The following GPC6 variants were observed in gnomAD, a reference collection of about 807,000 sequenced individuals.
The protein encoded by GPC6 is glypican 6.
GPC6 carries 14 observed loss-of-function variants against 55.2 expected under a neutral mutation model. That is an observed-to-expected ratio of 0.25 (90% confidence interval 0.17 to 0.40). The LOEUF (loss-of-function observed/expected upper bound fraction) is 0.40. GPC6 is among the 10% of genes least tolerant of loss of function. GPC6 has a pLI of 1.00. For missense variants in GPC6, 641 were observed against 708.5 expected (o/e 0.90, Z 1.08); for synonymous variants, 278 against 259.6 (o/e 1.07, Z -0.68).
At chr13:93,269,888 T>C (rs1432067919) in intron 1 of GPC6, among the ~76,000 whole-genome samples, 19 of 107,010 alleles carry the variant, frequency 1.8e-4, no homozygotes, top group Admixed American at 3.8e-4. Flanking sequence ...CAAGACTCCA[T>C]CTCAAAAAAA....
intron 1 of GPC6, among the ~76,000 whole-genome samples, chr13:93,429,791 A>G (rs1004718269): frequency 6.6e-6 from 1 of 152,078 alleles, no homozygotes; most frequent in Non-Finnish European, 1.5e-5. Context: ...ACTGAGGGAC[A>G]GTCTGTCCTT....
chr13:94,157,219 T>C (rs1887982889), intron 4 of GPC6, among the ~76,000 whole-genome samples: 1 of 152,188 alleles, frequency 6.6e-6, no homozygotes, highest in Non-Finnish European at 1.5e-5. Context: ...ATGTGTCCCT[T>C]CTTCATAAAG....
chr13:93,966,650 C>CTT (rs771603219), intron 3 of GPC6, among the ~76,000 whole-genome samples: 4 of 79,760 alleles, frequency 5.0e-5, no homozygotes, highest in Admixed American at 1.3e-4. Context: ...TTGTTTCCTT[C>CTT]ATTTTTTTTT....
chr13:93,619,083 C>T (rs1878845166), intron 2 of GPC6, among the ~76,000 whole-genome samples: 1 of 152,072 alleles, frequency 6.6e-6, no homozygotes, highest in African/African-American at 2.4e-5. Context: ...ATGGGAACAC[C>T]ATCATATATA....
intron 2 of GPC6, among the ~76,000 whole-genome samples, chr13:93,590,099 G>C (rs766657482): frequency 6.6e-6 from 1 of 152,122 alleles, no homozygotes; most frequent in Non-Finnish European, 1.5e-5. Flanking sequence ...TTGTGTTGTA[G>C]TTTTTTGGAT....
At chr13:93,321,845 TA>T (rs1210697763) in intron 1 of GPC6, among the ~76,000 whole-genome samples, 1 of 152,144 alleles carries the variant, frequency 6.6e-6, no homozygotes, top group Non-Finnish European at 1.5e-5. Flanking sequence ...TTTCAACATC[TA>T]GTGTGAGACC....
In GPC6 at chr13:93,895,234, G is replaced by GTGTGTGTGTGTGTGTGTGTGTGTA. The variant is rs1196315147; in HGVS notation, c.711+64690_711+64691insGTGTGTGTGTGTGTGTGTGTGTAT. Among the ~76,000 whole-genome samples, 13 of 108,218 alleles carry GTGTGTGTGTGTGTGTGTGTGTGTA rather than the reference G, an allele frequency of 1.2e-4. 1 individual carries two copies. Among genetic ancestry groups the GTGTGTGTGTGTGTGTGTGTGTGTA allele is most frequent in the African/African-American group, 4.4e-4 (12 of 27,146 alleles). The allele number at this position is 108,218 out of a possible 152,430, so 71.0% of individuals were successfully genotyped here. On this transcript the variant is annotated intron_variant, in intron 3 of 8. Coordinates refer to ENST00000377047, the MANE Select transcript of GPC6 (RefSeq NM_005708.5). Reference sequence around the variant, plus strand: ...TGTGTGTGTATGTATGTGTGTGTGTGTATATATATATATATATATATATAT... The same window carrying GTGTGTGTGTGTGTGTGTGTGTGTA: ...TGTGTGTGTATGTATGTGTGTGTGTGTGTGTGTGTGTGTGTGTGTGTGTATATATATATATATATATATATATAT...
chr13:93,650,470 T>A (rs1206451128), intron 2 of GPC6, among the ~76,000 whole-genome samples: 8 of 140,820 alleles, frequency 5.7e-5, no homozygotes, highest in Non-Finnish European at 1.1e-4. Context: ...CCCAAAGGAA[T>A]GGAAAAAAAA....
chr13:93,477,766 T>C (rs867354185), intron 1 of GPC6, among the ~76,000 whole-genome samples: 2 of 152,204 alleles, frequency 1.3e-5, no homozygotes, highest in Admixed American at 6.5e-5. Context: ...AAATTATTTT[T>C]TCTCCAAAGA....
chr13:94,391,774 CTG>C (rs1880655636), intron 7 of GPC6, among the ~76,000 whole-genome samples: 1 of 152,198 alleles, frequency 6.6e-6, no homozygotes, highest in Non-Finnish European at 1.5e-5. Flanking sequence ...AACTGAAACT[CTG>C]TACCCATTAA....
chr13:93,492,456 G>A lies in GPC6; in HGVS notation c.161-52807G>A, dbSNP rs1880056435. On this transcript the variant is annotated intron_variant, in intron 1 of 8. Transcript: ENST00000377047. ...TGGGGTTTTCTGGATAAACAATCATGTCGTCTGCAAACAGGGACAATTTGA... is the reference window on the plus strand; with the variant it reads ...TGGGGTTTTCTGGATAAACAATCATATCGTCTGCAAACAGGGACAATTTGA... Among the ~76,000 whole-genome samples the A allele has an allele frequency of 2.0e-5, 3 of 150,828 alleles. 1 individual carries two copies. The South Asian group carries it at 6.3e-4, about 32-fold the overall frequency.
At chr13:93,951,399 C>T (rs1025620987) in intron 3 of GPC6, among the ~76,000 whole-genome samples, 4 of 152,092 alleles carry the variant, frequency 2.6e-5, no homozygotes, top group East Asian at 1.9e-4. Context: ...TCTTCCTCAT[C>T]CTATGCCAGT....
At chr13:93,234,335 G>C (rs1876161304) in intron 1 of GPC6, among the ~76,000 whole-genome samples, 1 of 152,106 alleles carries the variant, frequency 6.6e-6, no homozygotes, top group Non-Finnish European at 1.5e-5. Flanking sequence ...TGCCACCTGG[G>C]GGTCATGTCG....
chr13:93,391,148 A>G (rs1367902843), intron 1 of GPC6, among the ~76,000 whole-genome samples: 3 of 152,110 alleles, frequency 2.0e-5, no homozygotes, highest in African/African-American at 4.8e-5. Context: ...ACCAGAAATT[A>G]TAATAATAAT....
At chr13:93,803,983 ATTGT>A (rs1442027529) in intron 2 of GPC6, among the ~76,000 whole-genome samples, 3 of 152,140 alleles carry the variant, frequency 2.0e-5, no homozygotes, top group Non-Finnish European at 4.4e-5. Flanking sequence ...TCTAAAATTG[ATTGT>A]TGTGATGGTT....
chr13:93,875,110 C>G (rs933348278), intron 3 of GPC6, among the ~76,000 whole-genome samples: 2 of 151,946 alleles, frequency 1.3e-5, no homozygotes, highest in Non-Finnish European at 1.5e-5. Context: ...GCTAAGGATT[C>G]CAGAGCGCAT....
chr13:94,154,188 G>T (rs1887844746), intron 4 of GPC6: 1 of 151,982 alleles, frequency 6.6e-6, no homozygotes, highest in Non-Finnish European at 1.5e-5. Flanking sequence ...TCATGATGCA[G>T]GTTGCATTTT....
chr13:93,958,625 G>A (rs1338087876), intron 3 of GPC6, among the ~76,000 whole-genome samples: 3 of 152,154 alleles, frequency 2.0e-5, no homozygotes, highest in Admixed American at 2.0e-4. Flanking sequence ...AAGTTGAATA[G>A]TGTGGTGCCT....
chr13:93,585,940 C>A (rs1241481056), intron 2 of GPC6, among the ~76,000 whole-genome samples: 1 of 152,030 alleles, frequency 6.6e-6, no homozygotes, highest in Non-Finnish European at 1.5e-5. Context: ...CTTCAGTTTT[C>A]CTTATTTTTT....
Sources: gnomAD v4.1 joint callset for allele counts (sites outside exome capture counted in the v4.1 genomes callset) on GRCh38, gnomAD v4.1.1 for gene constraint, MANE v1.5 for transcripts, NCBI Gene and HGNC (gene_info 2026-07-23, HGNC 2026-07-21) for gene names.